REEP5: variants seen among roughly 807,000 people sequenced by gnomAD.
The protein encoded by REEP5 is receptor expression-enhancing protein 5.
REEP5 carries 24 observed loss-of-function variants against 22.4 expected under a neutral mutation model. The ratio of observed to expected loss-of-function variants is 1.07; its 90% CI spans 0.78 to 1.51. The LOEUF is 1.51. Among genes scored for constraint, REEP5 ranks in the 40% most tolerant of loss-of-function variants. The pLI is 0.00. For missense variants in REEP5, 252 were observed against 233.0 expected (o/e 1.08, Z -0.53); for synonymous variants, 103 against 88.6 (o/e 1.16, Z -0.92).
intron 4 of REEP5, among the ~76,000 whole-genome samples, chr5:112,884,452 C>G (rs1768169754): frequency 6.6e-6 from 1 of 151,514 alleles, no homozygotes; most frequent in Admixed American, 6.6e-5. Context: ...GCACAGCTCA[C>G]TTGCAGCCTT....
intron 2 of REEP5, among the ~76,000 whole-genome samples, chr5:112,908,227 A>G (rs1324319615): frequency 6.7e-6 from 1 of 149,938 alleles, no homozygotes; most frequent in African/African-American, 2.5e-5. Context: ...CAGCCTCCTG[A>G]GTAGCTGGGA....
Position 112,891,217 on chromosome 5 carries a change from C to T in REEP5, c.352-4034G>A, listed in dbSNP as rs147991531. On this transcript the variant is annotated intron_variant, in intron 3 of 4. Transcript: ENST00000379638. ...CCTCCCAAGTAGCTGGGATTACAGG[C>T]ACGTGCTACCAAGCCTGGCTAATTT... 1.9e-3 allele frequency among the ~76,000 whole-genome samples: 287 copies of T among 152,150 alleles called. 4 individuals are homozygous for T. The highest frequency in any genetic ancestry group is 6.1e-3 in the African/African-American group (253 of 41,492).
intron 3 of REEP5, chr5:112,892,909 A>G (rs761653494): frequency 6.2e-7 from 1 of 1,609,090 alleles, no homozygotes; most frequent in South Asian, 1.1e-5. Flanking sequence ...GGAGAGGCAC[A>G]ATTCACCAAG....
At chr5:112,881,624 T>C (rs748303468) in intron 4 of REEP5, among the ~76,000 whole-genome samples, 6 of 152,200 alleles carry the variant, frequency 3.9e-5, no homozygotes, top group Non-Finnish European at 8.8e-5. Flanking sequence ...TTGTTCTTCA[T>C]TGCCACTTTC....
intron 2 of REEP5, among the ~76,000 whole-genome samples, chr5:112,918,855 C>T (rs2150049162): frequency 6.6e-6 from 1 of 152,336 alleles, no homozygotes; most frequent in Admixed American, 6.5e-5. Context: ...TGGCTCTGCT[C>T]TTGGCTGGCC....
At chr5:112,896,494 C>CT (rs1396483674) in intron 3 of REEP5, 2 of 151,904 alleles carry the variant, frequency 1.3e-5, no homozygotes, top group African/African-American at 4.8e-5. Flanking sequence ...CTTCACTCCA[C>CT]TCCAGCCTGA....
Position 112,922,075 on chromosome 5 carries a change from A to G in REEP5, c.116T>C (p.Leu39Pro). The part of the protein sequence containing the change: ...KTGVNRSFIA[L>P]GVIGLVALYL... ...GGCGGCGACCCCCGGCCACCCACCA[A>G]GAGCGATGAAGCTCCTGTTCACGCC... The change falls in exon 1 of 5, where the codon CTT (leucine) becomes CCT (proline). Residue 39 changes from leucine to proline, a missense_variant and splice_region_variant. By Grantham distance (98) the Leu-to-Pro change is moderately conservative. Coordinates refer to ENST00000379638, the MANE Select transcript of REEP5 (RefSeq NM_005669.5). The G allele has an allele frequency of 6.3e-7, 1 of 1,597,040 alleles. No homozygotes were observed. Among genetic ancestry groups the G allele is most frequent in the Non-Finnish European group, 8.5e-7 (1 of 1,172,202 alleles).
At chr5:112,915,585 TTAAG>T (rs1257482544) in intron 2 of REEP5, among the ~76,000 whole-genome samples, 19 of 152,340 alleles carry the variant, frequency 1.2e-4, no homozygotes, top group African/African-American at 3.4e-4. Flanking sequence ...CAGATTTAAA[TTAAG>T]TAAATTAAAG....
chr5:112,918,250 C>T (rs973707815), intron 2 of REEP5, among the ~76,000 whole-genome samples: 5 of 152,084 alleles, frequency 3.3e-5, no homozygotes, highest in Non-Finnish European at 7.4e-5. Flanking sequence ...AAAGAACAAC[C>T]AGTAGGAAGA....
intron 3 of REEP5, chr5:112,892,064 A>G (rs1375523624): frequency 8.9e-6 from 14 of 1,570,490 alleles, no homozygotes; most frequent in Non-Finnish European, 1.2e-5. Context: ...GAAGCTGTGC[A>G]GAAGATGCTG....
At chr5:112,919,285 C>T (rs1769297829) in intron 2 of REEP5, among the ~76,000 whole-genome samples, 2 of 152,104 alleles carry the variant, frequency 1.3e-5, no homozygotes, top group African/African-American at 2.4e-5. Flanking sequence ...TGGTAGCTCA[C>T]GCCTGTAATC....
At chr5:112,887,791 ATTTTT>A (rs1007441155) in intron 3 of REEP5, among the ~76,000 whole-genome samples, 4 of 151,488 alleles carry the variant, frequency 2.6e-5, no homozygotes, top group Admixed American at 6.6e-5. Flanking sequence ...TGCCATTGAG[ATTTTT>A]TTTTAATTGA....
chr5:112,901,038 C>T (rs535357945), intron 3 of REEP5, among the ~76,000 whole-genome samples: 11 of 152,024 alleles, frequency 7.2e-5, no homozygotes, highest in African/African-American at 1.9e-4. Context: ...AGGGTTTCAC[C>T]GTGTTGCCCA....
At chr5:112,902,558 A>G in intron 2 of REEP5, 40 bp from the exon 3 acceptor site, 2 of 1,519,064 alleles carry the variant, frequency 1.3e-6, no homozygotes, top group African/African-American at 1.4e-5. Flanking sequence ...ATTTGGTAAG[A>G]TATCAATGAA....
At chr5:112,896,488 A>G (rs892860620) in intron 3 of REEP5, 3 of 152,060 alleles carry the variant, frequency 2.0e-5, no homozygotes, top group African/African-American at 7.3e-5. Context: ...ACGCCACTTC[A>G]CTCCACTCCA....
chr5:112,909,739 C>A (rs1769048133), intron 2 of REEP5, among the ~76,000 whole-genome samples: 1 of 152,180 alleles, frequency 6.6e-6, no homozygotes, highest in African/African-American at 2.4e-5. Flanking sequence ...CCAGTTCACT[C>A]CACCCTTGCT....
At chr5:112,881,931 A>G (rs972281875) in intron 4 of REEP5, 1 of 118,242 alleles carries the variant, frequency 8.5e-6, no homozygotes, top group African/African-American at 4.2e-5. Context: ...CATCTGGCTA[A>G]TTTTTGTGTT....
intron 3 of REEP5, 61 bp downstream of exon 3, chr5:112,902,319 A>T (rs1404157457): frequency 1.3e-6 from 2 of 1,485,522 alleles, no homozygotes; most frequent in Non-Finnish European, 1.8e-6. Flanking sequence ...TCAAGCATTT[A>T]TTCCTACTTC....
At chr5:112,913,646 A>T (rs2150047642) in intron 2 of REEP5, among the ~76,000 whole-genome samples, 1 of 152,086 alleles carries the variant, frequency 6.6e-6, no homozygotes, top group African/African-American at 2.4e-5. Flanking sequence ...TTGGTGTTTA[A>T]TTACAGTGAT....
Sources: gnomAD v4.1 joint callset for allele counts (sites outside exome capture counted in the v4.1 genomes callset) on GRCh38, gnomAD v4.1.1 for gene constraint, MANE v1.5 for transcripts, NCBI Gene and HGNC (gene_info 2026-07-23, HGNC 2026-07-21) for gene names.